The following ELMO1 variants were observed in gnomAD, a reference collection of about 807,000 sequenced individuals.
ELMO1 encodes engulfment and cell motility 1.
In ELMO1, 26 loss-of-function variants were observed where a neutral mutation model predicts 98.9. The ratio of observed to expected loss-of-function variants is 0.26; its 90% CI spans 0.19 to 0.36. The LOEUF is 0.36. Ranked by LOEUF, ELMO1 falls within the 10% of genes least tolerant of loss-of-function variation. The pLI, the probability that ELMO1 is intolerant of heterozygous loss-of-function variation, is 1.00. For synonymous variants in ELMO1, 346 were observed against 346.0 expected (o/e 1.00, Z 0.00); for missense variants, 627 against 935.2 (o/e 0.67, Z 4.30).
chr7:37,316,160 A>AC, intron 2 of ELMO1, among the ~76,000 whole-genome samples, 200 bp from the exon 3 acceptor site: 1 of 152,298 alleles, frequency 6.6e-6, no homozygotes, highest in South Asian at 2.1e-4. Context: ...ATGATTTATT[A>AC]CCCCTGTGGT....
chr7:37,313,881 C>A (rs1403724300), intron 4 of ELMO1, among the ~76,000 whole-genome samples: 1 of 152,182 alleles, frequency 6.6e-6, no homozygotes, highest in African/African-American at 2.4e-5. Context: ...ACTTTGTACT[C>A]ACTTCTGTTT....
rs953621268 is a variant in ELMO1 at position 36,894,868 on chromosome 7, C to G, written c.1587G>C (p.Gln529His). The change falls in exon 17 of 22, where the codon CAG becomes CAC. Residue 529 changes from glutamine to histidine, a missense_variant. This residue lies in a region of ELMO1 where 492 missense variants were observed against 715.6 expected (regional missense o/e 0.69). Coordinates refer to ENST00000310758, the MANE Select transcript of ELMO1 (RefSeq NM_014800.11). ...QSERMNQEDF[Q>H]SRPILELKEK... Reference sequence around the variant, plus strand: ...AGGTAACTTACAAAATCGGGCGGGACTGGAAATCTTCCTGGTTCATCCTCT... The same window carrying G: ...AGGTAACTTACAAAATCGGGCGGGAGTGGAAATCTTCCTGGTTCATCCTCT... 2 of 1,614,040 alleles carry G rather than the reference C, an allele frequency of 1.2e-6. No homozygotes were observed. Among genetic ancestry groups the G allele is most frequent in the African/African-American group, 2.7e-5 (2 of 74,938 alleles).
chr7:37,321,709 T>A (rs1583543688), intron 2 of ELMO1, among the ~76,000 whole-genome samples: 1 of 48,512 alleles, frequency 2.1e-5, no homozygotes, highest in African/African-American at 2.2e-4. Flanking sequence ...AGAGCGAGAC[T>A]CCGTCTCAAA....
Position 37,192,032 on chromosome 7 carries a change from G to A in ELMO1, c.1086+19354C>T, listed in dbSNP as rs1179700377. On this transcript the variant is annotated intron_variant, in intron 13 of 21. Transcript: ENST00000310758. ...AGAGGTCAGTCTCCACTGTGTAAAG[G>A]ACAGAGTTCACAGAAGAAGAAGAAA... 2.0e-5 allele frequency among the ~76,000 whole-genome samples: 3 copies of A among 152,254 alleles called. No homozygotes were observed. The East Asian group carries it at 5.8e-4, about 29-fold the overall frequency.
At chr7:37,171,509 T>TTTTTTTTTG (rs1352287795) in intron 13 of ELMO1, among the ~76,000 whole-genome samples, 4 of 142,626 alleles carry the variant, frequency 2.8e-5, no homozygotes, top group Middle Eastern at 3.6e-3. Flanking sequence ...TTTTTTTTTT[T>TTTTTTTTTG]TGAGACAGAG....
chr7:37,426,142 C>CTTTTTT (rs36086006), intron 1 of ELMO1, among the ~76,000 whole-genome samples: 3,852 of 84,526 alleles, frequency 0.046, 235 homozygotes, highest in Non-Finnish European at 0.066. Context: ...TTTTTTCTTT[C>CTTTTTT]TTTTTTTTTT....
chr7:37,004,067 T>G (rs1792876444), intron 16 of ELMO1, among the ~76,000 whole-genome samples: 1 of 90,732 alleles, frequency 1.1e-5, no homozygotes, highest in Admixed American at 1.1e-4. Flanking sequence ...AAGATAAATA[T>G]TTTTTTTAAA....
chr7:37,177,996 T>C (rs1790586427), intron 13 of ELMO1, among the ~76,000 whole-genome samples: 1 of 151,752 alleles, frequency 6.6e-6, no homozygotes, highest in Non-Finnish European at 1.5e-5. Flanking sequence ...CTTCCTGTGA[T>C]GGTTAATTGT....
intron 16 of ELMO1, among the ~76,000 whole-genome samples, chr7:36,934,800 A>G (rs1786367304): frequency 6.6e-6 from 1 of 152,224 alleles, no homozygotes; most frequent in Non-Finnish European, 1.5e-5. Context: ...AATTCTAAAG[A>G]AAAATGCACA....
At chr7:36,907,665 T>C (rs1344131752) in intron 16 of ELMO1, among the ~76,000 whole-genome samples, 1 of 152,226 alleles carries the variant, frequency 6.6e-6, no homozygotes, top group African/African-American at 2.4e-5. Context: ...AGAAATCTGC[T>C]GGGTCTCCCA....
chr7:37,083,731 A>G (rs905270910), intron 15 of ELMO1, among the ~76,000 whole-genome samples: 4 of 152,228 alleles, frequency 2.6e-5, no homozygotes, highest in Admixed American at 6.5e-5. Flanking sequence ...CTCCAGAGAG[A>G]CAGGCAGCCA....
At chr7:37,261,882 G>A (rs1316521837) in intron 5 of ELMO1, among the ~76,000 whole-genome samples, 1 of 152,164 alleles carries the variant, frequency 6.6e-6, no homozygotes, top group Non-Finnish European at 1.5e-5. Flanking sequence ...GATTACAGGC[G>A]TGAGCCACCA....
At position 37,276,640 on chromosome 7, in the gene ELMO1, A is replaced by G. The variant is rs182533765; in HGVS notation, c.193-4758T>C. Among the ~76,000 whole-genome samples the G allele has an allele frequency of 2.6e-3, 393 of 152,240 alleles. 2 individuals are homozygous for G. The highest frequency in any genetic ancestry group is 4.1e-3 in the Non-Finnish European group (276 of 68,002). On this transcript the variant is annotated intron_variant, in intron 4 of 21. Transcript: ENST00000310758. ...AATAAAATAAAATAAAACACATAAA[A>G]AGCACACTGCTAGACCCTTATTTGT... is the stretch of plus-strand genomic sequence containing the variant.
intron 15 of ELMO1, among the ~76,000 whole-genome samples, chr7:37,092,317 G>C (rs1784141028): frequency 6.8e-6 from 1 of 147,066 alleles, no homozygotes; most frequent in African/African-American, 2.5e-5. Context: ...CTTTCAGTTT[G>C]CTCATGGAAA....
intron 13 of ELMO1, chr7:37,204,124 A>G (rs546308663): frequency 2.2e-6 from 1 of 456,500 alleles, no homozygotes; most frequent in South Asian, 1.5e-5. Context: ...GGCAATAGGC[A>G]TTAGTCTCAC....
chr7:36,906,121 C>T (rs1783941305), intron 16 of ELMO1, among the ~76,000 whole-genome samples: 1 of 152,228 alleles, frequency 6.6e-6, no homozygotes, highest in African/African-American at 2.4e-5. Flanking sequence ...TCAGGCAAGG[C>T]TGCTGAACTC....
chr7:37,363,108 C>T (rs879667620), intron 1 of ELMO1, among the ~76,000 whole-genome samples: 5 of 152,188 alleles, frequency 3.3e-5, no homozygotes, highest in African/African-American at 1.2e-4. Context: ...ATGAACTAGC[C>T]TCCTCTGATG....
intron 13 of ELMO1, among the ~76,000 whole-genome samples, chr7:37,156,800 C>G (rs1267440422): frequency 6.6e-6 from 1 of 152,154 alleles, no homozygotes; most frequent in Non-Finnish European, 1.5e-5. Flanking sequence ...ACAGGGAATC[C>G]TCCCTAACTC....
intron 1 of ELMO1, among the ~76,000 whole-genome samples, chr7:37,434,580 G>A (rs2131573708): frequency 6.6e-6 from 1 of 152,292 alleles, no homozygotes; most frequent in East Asian, 1.9e-4. Context: ...AAGCCAGAAG[G>A]ATCTTTTCAA....
Sources: allele counts gnomAD v4.1 joint callset (sites outside exome capture counted in the v4.1 genomes callset), GRCh38; gene constraint gnomAD v4.1.1; regional missense constraint gnomAD v4.1.1; transcripts MANE v1.5; gene names NCBI Gene and HGNC (gene_info 2026-07-23, HGNC 2026-07-21).